The following TMPRSS11E variants were observed in gnomAD, a reference collection of about 807,000 sequenced individuals.
TMPRSS11E encodes transmembrane serine protease 11E.
TMPRSS11E carries 38 observed loss-of-function variants against 48.1 expected under a neutral mutation model. The ratio of observed to expected loss-of-function variants is 0.79; its 90% confidence interval spans 0.61 to 1.04. TMPRSS11E has a LOEUF of 1.04. Ranked by LOEUF, TMPRSS11E falls within the 50% of genes least tolerant of loss-of-function variation. The pLI is 0.00. For synonymous variants in TMPRSS11E, 158 were observed against 171.9 expected (o/e 0.92, Z 0.63); for missense variants, 530 against 510.8 (o/e 1.04, Z -0.36).
intron 6 of TMPRSS11E, among the ~76,000 whole-genome samples, chr4:68,475,379 G>A (rs1266610280): frequency 2.1e-5 from 3 of 141,362 alleles, no homozygotes; most frequent in African/African-American, 6.4e-5. Flanking sequence ...CAATAGTTAT[G>A]GGGTTGTTGC....
intron 5 of TMPRSS11E, among the ~76,000 whole-genome samples, chr4:68,473,665 G>T (rs544474377): frequency 6.6e-6 from 1 of 152,150 alleles, no homozygotes; most frequent in East Asian, 1.9e-4. Context: ...CAAGCACAAG[G>T]CCATTGTGAG....
chr4:68,471,672 G>T (rs746961533), intron 5 of TMPRSS11E, 49 bp downstream of exon 5: 1 of 1,437,722 alleles, frequency 7.0e-7, no homozygotes, highest in Non-Finnish European at 9.2e-7. Context: ...TTCATGTTAG[G>T]TTTGATCTTG....
chr4:68,482,963 C>T (rs1729449298), intron 9 of TMPRSS11E, among the ~76,000 whole-genome samples: 1 of 152,156 alleles, frequency 6.6e-6, no homozygotes, highest in Admixed American at 6.5e-5. Context: ...CATTCTTTAC[C>T]TGTTACCCAG....
At chr4:68,495,315 A>G (rs921141845) in intron 9 of TMPRSS11E, among the ~76,000 whole-genome samples, 2 of 151,608 alleles carry the variant, frequency 1.3e-5, no homozygotes, top group African/African-American at 4.8e-5. Context: ...TTATTCTCGG[A>G]CTCATTTATT....
At chr4:68,464,892 T>C (rs1317077392) in intron 2 of TMPRSS11E, among the ~76,000 whole-genome samples, 6 of 152,222 alleles carry the variant, frequency 3.9e-5, no homozygotes, top group African/African-American at 1.4e-4. Flanking sequence ...AGACCTCATG[T>C]ACCAGAATGT....
At chr4:68,451,682 T>A (rs1728501044) in intron 1 of TMPRSS11E, among the ~76,000 whole-genome samples, 1 of 151,972 alleles carries the variant, frequency 6.6e-6, no homozygotes, top group Admixed American at 6.6e-5. Flanking sequence ...ATCTTTAGTT[T>A]CACATGTACT....
chr4:68,494,041 T>G (rs796885166), intron 9 of TMPRSS11E, among the ~76,000 whole-genome samples: 14 of 152,254 alleles, frequency 9.2e-5, no homozygotes, highest in African/African-American at 2.4e-4. Context: ...GCTGTATCCT[T>G]TGATTAATCT....
chr4:68,474,122 T>C (rs1487517538), intron 5 of TMPRSS11E, among the ~76,000 whole-genome samples: 1 of 152,126 alleles, frequency 6.6e-6, no homozygotes, highest in Non-Finnish European at 1.5e-5. Flanking sequence ...GACTGACTAG[T>C]GAGAAGTCAG....
chr4:68,474,215 A>G (rs35662434), intron 5 of TMPRSS11E, among the ~76,000 whole-genome samples: 27,301 of 152,084 alleles, frequency 0.18, 2,825 homozygotes, highest in Admixed American at 0.26. Flanking sequence ...AAAGGGTAAC[A>G]TTGTTTTTAA....
At chr4:68,472,599 G>C (rs1270399565) in intron 5 of TMPRSS11E, among the ~76,000 whole-genome samples, 1 of 151,942 alleles carries the variant, frequency 6.6e-6, no homozygotes, top group African/African-American at 2.4e-5. Context: ...CAGAATAGGG[G>C]ACAAGTAGAG....
At position 68,486,932 on chromosome 4, in the gene TMPRSS11E, A is replaced by G. The variant is rs138936693; in HGVS notation, c.1110+7941A>G. On this transcript the variant is annotated intron_variant, in intron 9 of 9. Transcript: ENST00000305363. Reference sequence around the variant, plus strand: ...TTTAAAGTCTGTTTTGTCTGAAATAAGAGTAGCAACCCCTGTTCTTTTTTG... The same window carrying G: ...TTTAAAGTCTGTTTTGTCTGAAATAGGAGTAGCAACCCCTGTTCTTTTTTG... Among the ~76,000 whole-genome samples the G allele has an allele frequency of 3.7e-3, 563 of 152,308 alleles. 7 individuals are homozygous for G. Among genetic ancestry groups the G allele is most frequent in the African/African-American group, 0.012 (505 of 41,562 alleles).
At position 68,477,050 on chromosome 4, in the gene TMPRSS11E, T is replaced by A. The variant is rs554645753; in HGVS notation, c.708-319T>A. ...TTCTGGGTGGGGTACATGAGACACA[T>A]AGAATATATTAATTTCTCTTATTCT... On this transcript the variant is annotated intron_variant, in intron 7 of 9. Coordinates refer to ENST00000305363, the MANE Select transcript of TMPRSS11E (RefSeq NM_014058.4). 2.7e-3 allele frequency among the ~76,000 whole-genome samples: 413 copies of A among 152,242 alleles called. 2 individuals carry two copies. The highest frequency in any genetic ancestry group is 4.7e-3 in the Non-Finnish European group (322 of 68,018).
At chr4:68,458,527 G>A (rs1728696049) in intron 1 of TMPRSS11E, among the ~76,000 whole-genome samples, 1 of 152,148 alleles carries the variant, frequency 6.6e-6, no homozygotes, top group Non-Finnish European at 1.5e-5. Context: ...AGTTTTGATA[G>A]ATGAAAATAT....
At chr4:68,461,114 C>T (rs1311823587) in intron 1 of TMPRSS11E, among the ~76,000 whole-genome samples, 2 of 152,244 alleles carry the variant, frequency 1.3e-5, no homozygotes, top group East Asian at 1.9e-4. Flanking sequence ...ATCTCCCGAC[C>T]TCATGATCCG....
chr4:68,469,047 A>G, intron 4 of TMPRSS11E, 101 bp downstream of exon 4: 3 of 974,612 alleles, frequency 3.1e-6, no homozygotes, highest in African/African-American at 1.6e-5. Context: ...AATTCAATCC[A>G]ACAAACATTT....
intron 1 of TMPRSS11E, among the ~76,000 whole-genome samples, chr4:68,448,095 T>G (rs980433974): frequency 1.3e-5 from 2 of 152,132 alleles, no homozygotes; most frequent in Middle Eastern, 3.4e-3. Context: ...AGATAAGTCA[T>G]GATCATTTTG....
intron 9 of TMPRSS11E, among the ~76,000 whole-genome samples, chr4:68,482,590 CAAAAAAAAAAAAA>C (rs371144994): frequency 5.7e-5 from 6 of 106,054 alleles, no homozygotes; most frequent in Admixed American, 5.3e-4. Context: ...TGCATCTCCA[CAAAAAAAAAAAAA>C]AAAAAAAAAA....
intron 1 of TMPRSS11E, among the ~76,000 whole-genome samples, chr4:68,457,505 T>A (rs1006109405): frequency 5.3e-5 from 8 of 152,268 alleles, no homozygotes; most frequent in Admixed American, 2.6e-4. Flanking sequence ...CTCAAGGATC[T>A]AGAACCAGAA....
Position 68,496,816 on chromosome 4 carries a change from C to G in TMPRSS11E, c.*12C>G. Reference sequence around the variant, plus strand: ...AAACTGGTATCTAAGAGAGAAAAGCCTCATGGAACAGATAACATTTTTTTT... The same window carrying G: ...AAACTGGTATCTAAGAGAGAAAAGCGTCATGGAACAGATAACATTTTTTTT... On this transcript the variant is annotated 3_prime_UTR_variant, in exon 10 of 10. Coordinates refer to ENST00000305363, the MANE Select transcript of TMPRSS11E (RefSeq NM_014058.4). 6.3e-7 allele frequency: 1 copy of G among 1,598,802 alleles called. No individual in the cohort carries two copies. Among genetic ancestry groups the G allele is most frequent in the Non-Finnish European group, 8.5e-7 (1 of 1,174,590 alleles).
Sources: allele counts gnomAD v4.1 joint callset (sites outside exome capture counted in the v4.1 genomes callset), GRCh38; gene constraint gnomAD v4.1.1; transcripts MANE v1.5; gene names NCBI Gene and HGNC (gene_info 2026-07-23, HGNC 2026-07-21).